Variants in LANCL2 observed in about 807,000 individuals in gnomAD.
LANCL2 encodes the protein LanC like glutathione S-transferase 2, also known as lanC-like protein 2.
In LANCL2, 33 loss-of-function variants were observed where a neutral mutation model predicts 56.9. The observed-to-expected ratio is 0.58, with a 90% CI of 0.44 to 0.78. The LOEUF is 0.78. Ranked by LOEUF, LANCL2 falls within the 30% of genes least tolerant of loss-of-function variation. The pLI is 0.00. For missense variants in LANCL2, 562 were observed against 580.2 expected, an observed-to-expected ratio of 0.97 and a Z score of 0.32; for synonymous variants, 233 against 228.2, an observed-to-expected ratio of 1.02 and a Z score of -0.19.
chr7:55,412,167 T>C (rs1442378292), intron 6 of LANCL2, 78 bp downstream of exon 6: 4 of 1,367,012 alleles, frequency 2.9e-6, no homozygotes, highest in Middle Eastern at 4.9e-4. Flanking sequence ...CTTGCTTTGG[T>C]AAGGCCATTT....
intron 1 of LANCL2, among the ~76,000 whole-genome samples, chr7:55,380,776 A>G (rs1790058353): frequency 6.7e-6 from 1 of 149,532 alleles, no homozygotes; most frequent in African/African-American, 2.5e-5. Context: ...AGAAGGAGGG[A>G]GGTTCTGTAG....
chr7:55,422,040 T>A (rs921012975), intron 6 of LANCL2, among the ~76,000 whole-genome samples: 1 of 152,190 alleles, frequency 6.6e-6, no homozygotes, highest in Non-Finnish European at 1.5e-5. Context: ...TGGCCAGAAA[T>A]TTTGCTTTAA....
Position 55,431,313 on chromosome 7 carries a change from G to C in LANCL2, c.1346G>C (p.Arg449Thr), listed in dbSNP as rs866208013. The part of the protein sequence containing the change: ...FPAFELDSSK[R>T]D ...GCATTTGAACTTGACTCTTCGAAGA[G>C]GGATTAAAAGGTGCAAAAAGACAAC... is the stretch of plus-strand genomic sequence containing the variant. Residue 449 changes from arginine (R) to threonine (T), a missense_variant, in exon 9 of 9, where the codon AGG (arginine) becomes ACG (threonine). By Grantham distance (71) the Arg-to-Thr change is moderately conservative (BLOSUM62 -1). This residue lies in a region of LANCL2 where 378 missense variants were observed against 468.4 expected (regional missense o/e 0.81). Transcript: ENST00000254770. 2 of 1,612,230 alleles carry C rather than the reference G, an allele frequency of 1.2e-6. No homozygotes were observed. Among genetic ancestry groups the C allele is most frequent in the African/African-American group, 2.7e-5 (2 of 74,962 alleles).
At chr7:55,419,442 C>G (rs1790582665) in intron 6 of LANCL2, among the ~76,000 whole-genome samples, 1 of 138,482 alleles carries the variant, frequency 7.2e-6, no homozygotes, top group Non-Finnish European at 1.5e-5. Context: ...TGCTGTTTCT[C>G]CCAGGCTGGA....
chr7:55,378,534 G>A (rs1437835113), intron 1 of LANCL2, among the ~76,000 whole-genome samples: 4 of 30,360 alleles, frequency 1.3e-4, no homozygotes, highest in Non-Finnish European at 3.0e-4. Flanking sequence ...ATATGTATAC[G>A]TGTGTGTGTG....
intron 5 of LANCL2, among the ~76,000 whole-genome samples, chr7:55,402,529 T>C (rs1382525165): frequency 5.5e-5 from 6 of 108,318 alleles, no homozygotes; most frequent in African/African-American, 1.1e-4. Context: ...ACCTCCCGGA[T>C]GGGGCGGCTT....
intron 6 of LANCL2, among the ~76,000 whole-genome samples, chr7:55,417,891 G>T (rs932357528): frequency 6.6e-6 from 1 of 152,010 alleles, no homozygotes; most frequent in African/African-American, 2.4e-5. Flanking sequence ...TGTTCGCCAG[G>T]CTGGTCTCAA....
chr7:55,393,273 T>C (rs923707290), intron 2 of LANCL2, among the ~76,000 whole-genome samples: 1 of 152,192 alleles, frequency 6.6e-6, no homozygotes, highest in Non-Finnish European at 1.5e-5. Context: ...GGCTCAAGCC[T>C]GTAATCCAAA....
At chr7:55,381,916 A>G (rs1181018310) in intron 1 of LANCL2, among the ~76,000 whole-genome samples, 2 of 152,218 alleles carry the variant, frequency 1.3e-5, no homozygotes, top group African/African-American at 4.8e-5. Flanking sequence ...TTTGTGATGT[A>G]GATTTCTCTG....
chr7:55,378,116 A>G lies in LANCL2; in HGVS notation c.204+11887A>G, dbSNP rs76710169. On this transcript the variant is annotated intron_variant, in intron 1 of 8. Transcript: ENST00000254770. ...GACGATTAATTGAAATACGTAAAGC[A>G]CTTAGTGCCAGGTACATAGTAAGTG... is the stretch of plus-strand genomic sequence containing the variant. Among the ~76,000 whole-genome samples the G allele has an allele frequency of 8.4e-4, 128 of 152,328 alleles. 1 individual carries two copies. The East Asian group carries it at 0.022, about 26-fold the overall frequency.
intron 6 of LANCL2, among the ~76,000 whole-genome samples, chr7:55,419,653 C>T (rs1249568712): frequency 4.6e-5 from 7 of 152,020 alleles, no homozygotes; most frequent in East Asian, 3.9e-4. Context: ...CCGCCTGCTT[C>T]GGCCTCCCAA....
At chr7:55,427,606 G>A (rs542570298) in intron 7 of LANCL2, among the ~76,000 whole-genome samples, 1 of 152,312 alleles carries the variant, frequency 6.6e-6, no homozygotes, top group East Asian at 1.9e-4. Flanking sequence ...TGTCTGACTC[G>A]GAAAACTGGG....
intron 8 of LANCL2, 127 bp downstream of exon 8, chr7:55,428,574 G>A (rs2128996882): frequency 1.4e-6 from 1 of 728,054 alleles, no homozygotes; most frequent in South Asian, 1.6e-5. Flanking sequence ...ATAATCAGCA[G>A]AGTAGCTTAT....
chr7:55,417,352 C>G (rs934358293), intron 6 of LANCL2, among the ~76,000 whole-genome samples: 1 of 152,110 alleles, frequency 6.6e-6, no homozygotes, highest in South Asian at 2.1e-4. Context: ...TTTATTTTTC[C>G]CATTTGATTG....
At chr7:55,395,978 G>A (rs570829965) in intron 2 of LANCL2, among the ~76,000 whole-genome samples, 2 of 152,352 alleles carry the variant, frequency 1.3e-5, no homozygotes, top group South Asian at 2.1e-4. Flanking sequence ...CTGCAAAGCT[G>A]TACAGCATTA....
chr7:55,369,509 A>G lies in LANCL2; in HGVS notation c.204+3280A>G, dbSNP rs1237761706. On this transcript the variant is annotated intron_variant, in intron 1 of 8. Coordinates refer to ENST00000254770, the MANE Select transcript of LANCL2 (RefSeq NM_018697.4). ...ATAACATTTTTTACAATATTGGGCC[A>G]ATATTATGAAAAGCAGTGAACCAGT... Among the ~76,000 whole-genome samples, 6 of 152,292 alleles carry G rather than the reference A, an allele frequency of 3.9e-5. No individual in the cohort carries two copies. The East Asian group carries it at 1.2e-3, about 29-fold the overall frequency.
intron 1 of LANCL2, among the ~76,000 whole-genome samples, chr7:55,367,189 G>A (rs968220568): frequency 2.6e-5 from 4 of 152,202 alleles, no homozygotes; most frequent in African/African-American, 7.2e-5. Flanking sequence ...GGCAAAAAGT[G>A]GGAATAAAAC....
intron 6 of LANCL2, among the ~76,000 whole-genome samples, chr7:55,419,510 T>A (rs150809640): frequency 6.6e-6 from 1 of 150,952 alleles, no homozygotes; most frequent in East Asian, 2.0e-4. Flanking sequence ...CAGGCAATTC[T>A]CCTGCTGCAG....
At chr7:55,397,722 GCTT>G (rs1199104062) in intron 2 of LANCL2, among the ~76,000 whole-genome samples, 2 of 121,150 alleles carry the variant, frequency 1.7e-5, no homozygotes, top group Admixed American at 1.0e-4. Context: ...GTAAGGACAT[GCTT>G]CTTTAAGAAG....
Sources: gnomAD v4.1 joint callset for allele counts (sites outside exome capture counted in the v4.1 genomes callset) on GRCh38, gnomAD v4.1.1 for gene constraint, gnomAD v4.1.1 regional missense constraint, MANE v1.5 for transcripts, NCBI Gene and HGNC (gene_info 2026-07-23, HGNC 2026-07-21) for gene names.